Variants in PIBF1 observed in about 807,000 individuals in gnomAD.
PIBF1 encodes progesterone immunomodulatory binding factor 1.
PIBF1 carries 90 observed loss-of-function variants against 112.5 expected under a neutral mutation model. That is an observed-to-expected ratio of 0.80 (90% confidence interval 0.67 to 0.95). The LOEUF is 0.95. PIBF1 is among the 40% of genes least tolerant of loss of function. The pLI is 0.00. For missense variants in PIBF1, 915 were observed against 852.3 expected, an observed-to-expected ratio of 1.07 and a Z score of -0.92; for synonymous variants, 301 against 288.6, an observed-to-expected ratio of 1.04 and a Z score of -0.44.
At position 73,016,037 on chromosome 13, in the gene PIBF1, G is replaced by C. The variant is rs2044373282; in HGVS notation, c.*118G>C. 5.0e-6 allele frequency: 2 copies of C among 401,492 alleles called. No homozygotes were observed. The highest frequency in any genetic ancestry group is 7.9e-5 in the East Asian group (2 of 25,272). 24.9% of individuals were successfully genotyped at this position (401,492 alleles called of 1,614,324 possible). Reference sequence around the variant, plus strand: ...ATTTTTTAAATAACAATGTTTATTTGAACTAATATTAAATTAACAAATTCA... The same window carrying C: ...ATTTTTTAAATAACAATGTTTATTTCAACTAATATTAAATTAACAAATTCA... On this transcript the variant is annotated 3_prime_UTR_variant, in exon 18 of 18. Coordinates refer to ENST00000326291, the MANE Select transcript of PIBF1 (RefSeq NM_006346.4).
At chr13:72,826,933 A>T in intron 6 of PIBF1, 77 bp from the exon 7 acceptor site, 1 of 729,424 alleles carries the variant, frequency 1.4e-6, no homozygotes, top group Non-Finnish European at 2.2e-6. Context: ...GTCCTAATAC[A>T]TAGTCAACCC....
chr13:72,925,126 GTAAAAC>G (rs1243194041), intron 13 of PIBF1, among the ~76,000 whole-genome samples: 13 of 152,278 alleles, frequency 8.5e-5, no homozygotes, highest in Admixed American at 3.3e-4. Flanking sequence ...TAGAGATAGA[GTAAAAC>G]TAACCATGAA....
rs536986523 is a variant in PIBF1, at chr13:72,854,240, A to G, written c.1322+85A>G. On this transcript the variant is annotated intron_variant, in intron 10 of 17. Coordinates refer to ENST00000326291, the MANE Select transcript of PIBF1 (RefSeq NM_006346.4). The stretch of plus-strand genomic sequence containing the variant: ...CTTTTAGAAAATGTATTTTAAGGAG[A>G]GAATAATTTTCATTTCAATTGAGGA... The G allele has an allele frequency of 9.5e-5, 80 of 839,216 alleles. No homozygotes were observed. The South Asian group carries it at 1.4e-3, about 14-fold the overall frequency. 52.0% of individuals were successfully genotyped at this position (839,216 alleles called of 1,614,324 possible). A position where few individuals can be genotyped will look rare whatever the true frequency, so the allele number is the denominator to read the frequency against.
chr13:72,849,375 C>T (rs1227202896), intron 9 of PIBF1, among the ~76,000 whole-genome samples: 1 of 152,192 alleles, frequency 6.6e-6, no homozygotes, highest in Non-Finnish European at 1.5e-5. Flanking sequence ...CTACGGATAG[C>T]TTCTATCAAT....
intron 13 of PIBF1, among the ~76,000 whole-genome samples, chr13:72,928,562 C>T (rs2041607181): frequency 6.6e-6 from 1 of 152,186 alleles, no homozygotes; most frequent in African/African-American, 2.4e-5. Flanking sequence ...GCCTCAGCCT[C>T]CTCAGTTGCT....
intron 14 of PIBF1, among the ~76,000 whole-genome samples, chr13:72,933,632 A>C (rs961885936): frequency 6.6e-6 from 1 of 152,268 alleles, no homozygotes; most frequent in Non-Finnish European, 1.5e-5. Flanking sequence ...ATCGTACTCC[A>C]GCCTGGGCAA....
chr13:72,818,678 C>CTTTTT (rs3077726), intron 5 of PIBF1, among the ~76,000 whole-genome samples: 1,560 of 80,380 alleles, frequency 0.019, 234 homozygotes, highest in African/African-American at 0.047. Flanking sequence ...CAGTCTTAAA[C>CTTTTT]TTTTTTTTTT....
intron 11 of PIBF1, among the ~76,000 whole-genome samples, chr13:72,907,512 AT>A (rs767196430): frequency 1.8e-4 from 28 of 152,238 alleles, no homozygotes; most frequent in Admixed American, 7.8e-4. Flanking sequence ...TTTCAACACT[AT>A]GTTCTAGGTA....
chr13:72,861,689 C>T (rs563365842), intron 10 of PIBF1, among the ~76,000 whole-genome samples: 29 of 152,290 alleles, frequency 1.9e-4, no homozygotes, highest in South Asian at 6.2e-4. Context: ...CTTCAGCCTA[C>T]TGAGTCGCTG....
At position 72,915,592 on chromosome 13, in the gene PIBF1, A is replaced by G. The variant is rs187207670; in HGVS notation, c.1640-1484A>G. ...TTTAGAACTATTAAGGAGAAACAAGAGTCAGTTACATATCTAAATGTTAGC... is the reference window on the plus strand; with the variant it reads ...TTTAGAACTATTAAGGAGAAACAAGGGTCAGTTACATATCTAAATGTTAGC... On this transcript the variant is annotated intron_variant, in intron 12 of 17. Coordinates refer to ENST00000326291, the MANE Select transcript of PIBF1 (RefSeq NM_006346.4). Among the ~76,000 whole-genome samples the G allele has an allele frequency of 1.1e-3, 168 of 152,318 alleles. 2 individuals are homozygous for G. Among genetic ancestry groups the G allele is most frequent in the Non-Finnish European group, 1.7e-3 (119 of 68,030 alleles).
chr13:72,895,182 T>A (rs987146948), intron 11 of PIBF1, among the ~76,000 whole-genome samples: 16 of 151,952 alleles, frequency 1.1e-4, no homozygotes, highest in African/African-American at 2.9e-4. Context: ...TGGGAATTAA[T>A]CTGTTAATCT....
At position 72,995,675 on chromosome 13, in the gene PIBF1, G is replaced by A. The variant is rs546191542; in HGVS notation, c.2050-3147G>A. On this transcript the variant is annotated intron_variant, in intron 16 of 17. Transcript: ENST00000326291. ...TATGTTTGAAAAAGAAAAGAGGCTGGGCACAGTGACTCACGCCTGTAATCC... is the reference window on the plus strand; with the variant it reads ...TATGTTTGAAAAAGAAAAGAGGCTGAGCACAGTGACTCACGCCTGTAATCC... 3.9e-5 allele frequency among the ~76,000 whole-genome samples: 6 copies of A among 152,168 alleles called. No individual in the cohort carries two copies. In the East Asian group the frequency reaches 9.7e-4, roughly 25 times the overall value.
At chr13:73,006,825 G>A (rs9573083) in intron 17 of PIBF1, among the ~76,000 whole-genome samples, 97,714 of 151,776 alleles carry the variant, frequency 0.64, 32,940 homozygotes, top group East Asian at 0.84. Flanking sequence ...TATCTTATCA[G>A]TTATTTGTTT....
intron 11 of PIBF1, among the ~76,000 whole-genome samples, chr13:72,895,831 C>T (rs978610408): frequency 3.9e-5 from 6 of 152,192 alleles, no homozygotes; most frequent in South Asian, 2.1e-4. Context: ...CTGCAGGACC[C>T]GGAAGACACC....
intron 5 of PIBF1, among the ~76,000 whole-genome samples, chr13:72,813,386 A>G (rs1247012292): frequency 1.3e-5 from 2 of 152,142 alleles, no homozygotes; most frequent in Admixed American, 1.3e-4. Context: ...TGGGAAAGCT[A>G]GTGTTCCAGT....
intron 10 of PIBF1, among the ~76,000 whole-genome samples, chr13:72,866,075 C>G (rs2038914563): frequency 6.6e-6 from 1 of 152,136 alleles, no homozygotes; most frequent in Non-Finnish European, 1.5e-5. Context: ...CCAGGCATTC[C>G]TTGGCTTCCT....
At chr13:72,909,127 C>A (rs1028552439) in intron 12 of PIBF1, among the ~76,000 whole-genome samples, 6 of 152,002 alleles carry the variant, frequency 3.9e-5, no homozygotes, top group Non-Finnish European at 8.8e-5. Context: ...AAATAAAATT[C>A]TGTATTTCAA....
At chr13:72,798,885 C>T (rs1218931905) in intron 5 of PIBF1, among the ~76,000 whole-genome samples, 2 of 152,140 alleles carry the variant, frequency 1.3e-5, no homozygotes, top group African/African-American at 4.8e-5. Flanking sequence ...GAGCTACTGT[C>T]CATTTATTAC....
chr13:72,892,537 A>G (rs2040096676), intron 10 of PIBF1, among the ~76,000 whole-genome samples: 1 of 152,146 alleles, frequency 6.6e-6, no homozygotes, highest in South Asian at 2.1e-4. Context: ...CAGAAAGACT[A>G]TCGCTGTGAA....
Sources: allele counts gnomAD v4.1 joint callset (sites outside exome capture counted in the v4.1 genomes callset), GRCh38; gene constraint gnomAD v4.1.1; transcripts MANE v1.5; gene names NCBI Gene and HGNC (gene_info 2026-07-23, HGNC 2026-07-21).